The following COL24A1 variants were observed in gnomAD, a reference collection of about 807,000 sequenced individuals.
COL24A1 encodes the protein collagen alpha-1(XXIV) chain.
Under a neutral mutation model 253.9 loss-of-function variants are expected in COL24A1, and 224 were observed. The ratio of observed to expected loss-of-function variants is 0.88; its 90% CI spans 0.79 to 0.99. The LOEUF is 0.99. COL24A1 is among the 50% of genes least tolerant of loss of function. The pLI, the probability that COL24A1 is intolerant of heterozygous loss-of-function variation, is 0.00. For synonymous variants in COL24A1, 685 were observed against 673.7 expected (o/e 1.02, Z -0.26); for missense variants, 2,131 against 2,068.5 (o/e 1.03, Z -0.59).
intron 24 of COL24A1, among the ~76,000 whole-genome samples, chr1:85,950,635 G>A (rs139258649): frequency 2.5e-4 from 38 of 152,284 alleles, no homozygotes; most frequent in Non-Finnish European, 4.6e-4. Context: ...AACTTCATCT[G>A]TCATTGATTT....
chr1:85,797,227 A>G (rs1316762886), intron 47 of COL24A1, among the ~76,000 whole-genome samples: 2 of 151,654 alleles, frequency 1.3e-5, no homozygotes, highest in African/African-American at 4.8e-5. Flanking sequence ...AAAAAAAAAA[A>G]AAAGAACATT....
rs1446821333 is a variant in COL24A1 at position 86,120,355 on chromosome 1, A to T, written c.1491+4490T>A. ...AAACTACCATCAGAGCGAACAGGAA[A>T]CCTACAGAATGGGGGAAAATTTTTG... On this transcript the variant is annotated intron_variant, in intron 3 of 59. Coordinates refer to ENST00000370571, the MANE Select transcript of COL24A1 (RefSeq NM_152890.7). Among the ~76,000 whole-genome samples, 4 of 152,314 alleles carry T rather than the reference A, an allele frequency of 2.6e-5. No individual in the cohort carries two copies. The East Asian group carries it at 7.7e-4, about 29-fold the overall frequency.
At chr1:86,053,651 G>A (rs140254335) in intron 10 of COL24A1, among the ~76,000 whole-genome samples, 4 of 152,108 alleles carry the variant, frequency 2.6e-5, no homozygotes, top group Non-Finnish European at 4.4e-5. Flanking sequence ...CCAGAAGGTC[G>A]GGAGAGGTTC....
At chr1:85,737,572 T>C in intron 57 of COL24A1, 67 bp from the exon 58 acceptor site, 1 of 1,164,584 alleles carries the variant, frequency 8.6e-7, no homozygotes, top group Non-Finnish European at 1.2e-6. Context: ...ATTTCTTTTT[T>C]TTTTTTGAGA....
chr1:85,998,041 C>A (rs1008892168), intron 19 of COL24A1, among the ~76,000 whole-genome samples: 13 of 152,110 alleles, frequency 8.5e-5, no homozygotes, highest in Non-Finnish European at 1.9e-4. Context: ...CACATACACT[C>A]CTGGACTTCC....
At chr1:85,910,884 G>A (rs1043581313) in intron 25 of COL24A1, among the ~76,000 whole-genome samples, 2 of 151,766 alleles carry the variant, frequency 1.3e-5, no homozygotes, top group Non-Finnish European at 2.9e-5. Context: ...GGAGTCTGTG[G>A]ACTTCATAGA....
intron 22 of COL24A1, among the ~76,000 whole-genome samples, chr1:85,968,512 C>G (rs1280873356): frequency 6.6e-6 from 1 of 152,082 alleles, no homozygotes; most frequent in Non-Finnish European, 1.5e-5. Context: ...GAATCATTTC[C>G]TAACAAGCAA....
chr1:86,107,242 C>T (rs929985623), intron 5 of COL24A1, among the ~76,000 whole-genome samples: 2 of 152,110 alleles, frequency 1.3e-5, no homozygotes, highest in Non-Finnish European at 2.9e-5. Context: ...CTTGGTTAAG[C>T]GCTTACTGCT....
At chr1:85,787,713 T>G (rs1669831894) in intron 47 of COL24A1, among the ~76,000 whole-genome samples, 1 of 152,224 alleles carries the variant, frequency 6.6e-6, no homozygotes, top group African/African-American at 2.4e-5. Flanking sequence ...TATATATTGC[T>G]TTGGGTATAT....
At position 86,092,267 on chromosome 1, in the gene COL24A1, CT is replaced by C. The variant is rs776738988; in HGVS notation, c.1652del (p.Lys551ArgfsTer9). 17 of 1,594,054 alleles carry C rather than the reference CT, an allele frequency of 1.1e-5. No homozygotes were observed. Among genetic ancestry groups the C allele is most frequent in the Non-Finnish European group, 1.5e-5 (17 of 1,165,650 alleles). On this transcript the variant is annotated frameshift_variant and splice_region_variant, in exon 6 of 60. Transcript: ENST00000370571. LOFTEE classifies it high-confidence loss of function. ...TTTCATTTCATGGTCAAATAATTAC[CT>C]TTTCTCCAGGAACAGGTTGACCTGG... Reference protein sequence around the residue: ...FSPGQPVPGEKGDQGLSGLMG... With the variant: ...FSPGQPVPGEXGDQGLSGLMG...
intron 5 of COL24A1, among the ~76,000 whole-genome samples, chr1:86,112,030 C>G (rs1242701201): frequency 6.6e-6 from 1 of 152,146 alleles, no homozygotes; most frequent in Non-Finnish European, 1.5e-5. Context: ...TCAGTGAGAC[C>G]AAGAACCCAC....
At chr1:85,834,402 C>T (rs1173953071) in intron 43 of COL24A1, among the ~76,000 whole-genome samples, 1 of 152,026 alleles carries the variant, frequency 6.6e-6, no homozygotes, top group Admixed American at 6.6e-5. Flanking sequence ...TGATACTATT[C>T]ACTGAATTGA....
intron 28 of COL24A1, among the ~76,000 whole-genome samples, chr1:85,903,260 T>C (rs1038767830): frequency 6.6e-6 from 1 of 152,190 alleles, no homozygotes; most frequent in Non-Finnish European, 1.5e-5. Flanking sequence ...AAGTTGCTAG[T>C]TAAGAGTTTA....
At chr1:85,941,017 T>G (rs1376203822) in intron 24 of COL24A1, among the ~76,000 whole-genome samples, 1 of 152,190 alleles carries the variant, frequency 6.6e-6, no homozygotes, top group East Asian at 1.9e-4. Context: ...TTGGTTGAAC[T>G]TAAGGTGTTA....
rs544968057 is a variant in COL24A1 at position 86,128,008 on chromosome 1, G to A, written c.122-1794C>T. Among the ~76,000 whole-genome samples the A allele has an allele frequency of 2.6e-5, 4 of 152,072 alleles. No homozygotes were observed. The South Asian group carries it at 8.3e-4, about 32-fold the overall frequency. On this transcript the variant is annotated intron_variant, in intron 2 of 59. Coordinates refer to ENST00000370571, the MANE Select transcript of COL24A1 (RefSeq NM_152890.7). ...ACATTTTTAAAGGATAGCAATATTT[G>A]TATCTATGATATTGTATGACAAACT...
At chr1:85,897,929 T>G (rs918308667) in intron 28 of COL24A1, among the ~76,000 whole-genome samples, 1 of 152,116 alleles carries the variant, frequency 6.6e-6, no homozygotes, top group African/African-American at 2.4e-5. Context: ...ATAAAGATAT[T>G]TTTAGCAGCT....
chr1:85,866,661 C>A lies in COL24A1; in HGVS notation c.3300+1858G>T, dbSNP rs1365518217. On this transcript the variant is annotated intron_variant, in intron 37 of 59. Transcript: ENST00000370571. Reference sequence around the variant, plus strand: ...TGGTGGTGCGTGCCTGTAGTCCCAGCTACTCTGGAGGCAGAGGTAACAGAA... The same window carrying A: ...TGGTGGTGCGTGCCTGTAGTCCCAGATACTCTGGAGGCAGAGGTAACAGAA... 2.0e-5 allele frequency among the ~76,000 whole-genome samples: 3 copies of A among 152,216 alleles called. No individual in the cohort carries two copies. In the East Asian group the frequency reaches 5.8e-4, roughly 29 times the overall value.
chr1:85,967,892 G>A (rs1250979099), intron 22 of COL24A1, among the ~76,000 whole-genome samples: 2 of 152,198 alleles, frequency 1.3e-5, no homozygotes, highest in Non-Finnish European at 2.9e-5. Context: ...TTGATCCTGG[G>A]TGTGTCTGTG....
At chr1:86,101,867 G>T (rs2102050813) in intron 5 of COL24A1, among the ~76,000 whole-genome samples, 1 of 152,164 alleles carries the variant, frequency 6.6e-6, no homozygotes, top group African/African-American at 2.4e-5. Flanking sequence ...CCTCTGCCAG[G>T]TTTTAGTATC....
Sources: gnomAD v4.1 joint callset for allele counts (sites outside exome capture counted in the v4.1 genomes callset) on GRCh38, gnomAD v4.1.1 for gene constraint, MANE v1.5 for transcripts, NCBI Gene and HGNC (gene_info 2026-07-23, HGNC 2026-07-21) for gene names.